STAG1: variants seen among roughly 807,000 people sequenced by gnomAD.
STAG1 encodes the protein STAG1 cohesin complex component, also known as cohesin subunit SA-1.
A neutral mutation model predicts 170.9 loss-of-function variants in STAG1; 26 were observed. The observed-to-expected ratio is 0.15, with a 90% CI of 0.11 to 0.21. STAG1 has a LOEUF of 0.21. Ranked by LOEUF, STAG1 falls within the 10% of genes least tolerant of loss-of-function variation. STAG1 has a pLI of 1.00. For synonymous variants in STAG1, 514 were observed against 497.7 expected (o/e 1.03, Z -0.44); for missense variants, 964 against 1,509.5 (o/e 0.64, Z 5.99).
intron 15 of STAG1, among the ~76,000 whole-genome samples, chr3:136,436,219 G>C (rs1055123067): frequency 1.3e-5 from 2 of 152,124 alleles, no homozygotes; most frequent in African/African-American, 4.8e-5. Flanking sequence ...GCCTCTCAAA[G>C]TGCTGAGATT....
chr3:136,382,055 C>T (rs1475854648), intron 22 of STAG1, among the ~76,000 whole-genome samples: 2 of 152,066 alleles, frequency 1.3e-5, no homozygotes, highest in African/African-American at 2.4e-5. Context: ...TGGATGTTTA[C>T]CACAATCCTG....
intron 4 of STAG1, among the ~76,000 whole-genome samples, chr3:136,577,835 T>C (rs1202091308): frequency 6.6e-6 from 1 of 152,210 alleles, no homozygotes; most frequent in African/African-American, 2.4e-5. Context: ...ACACGCCAAA[T>C]TCATTGGTAT....
chr3:136,699,469 C>A (rs1486368524), intron 1 of STAG1, among the ~76,000 whole-genome samples: 2 of 152,102 alleles, frequency 1.3e-5, no homozygotes, highest in Non-Finnish European at 2.9e-5. Flanking sequence ...CAGCTCACTG[C>A]AACCTCTGCC....
At chr3:136,724,754 T>C (rs1198409603) in intron 1 of STAG1, among the ~76,000 whole-genome samples, 1 of 151,900 alleles carries the variant, frequency 6.6e-6, no homozygotes, top group African/African-American at 2.4e-5. Context: ...ACAAATGCAA[T>C]GAAAAGACAA....
intron 6 of STAG1, among the ~76,000 whole-genome samples, chr3:136,533,519 G>C (rs1351695269): frequency 6.6e-6 from 1 of 152,100 alleles, no homozygotes; most frequent in African/African-American, 2.4e-5. Flanking sequence ...AGGTCCTCAA[G>C]GATGCTTATA....
intron 4 of STAG1, 106 bp downstream of exon 4, chr3:136,604,203 T>A: frequency 9.8e-7 from 1 of 1,024,172 alleles, no homozygotes; most frequent in Non-Finnish European, 1.4e-6. Context: ...AAAGGTTGCT[T>A]ACATAATCAA....
intron 4 of STAG1, chr3:136,591,422 C>A: frequency 5.4e-6 from 1 of 185,862 alleles, no homozygotes; most frequent in South Asian, 7.8e-5. Context: ...ATTCCCTGGG[C>A]TTGGCGTCAT....
At chr3:136,717,531 A>T (rs1943572825) in intron 1 of STAG1, among the ~76,000 whole-genome samples, 1 of 152,124 alleles carries the variant, frequency 6.6e-6, no homozygotes, top group African/African-American at 2.4e-5. Context: ...GAGTGTGGTG[A>T]CAGGCACCTG....
chr3:136,469,628 A>C (rs1318576969), intron 12 of STAG1, among the ~76,000 whole-genome samples: 12 of 152,230 alleles, frequency 7.9e-5, no homozygotes, highest in Admixed American at 7.2e-4. Flanking sequence ...GAATTGGAAA[A>C]AACTACATTA....
At chr3:136,697,313 CA>C (rs1942926560) in intron 1 of STAG1, among the ~76,000 whole-genome samples, 1 of 152,156 alleles carries the variant, frequency 6.6e-6, no homozygotes, top group Non-Finnish European at 1.5e-5. Flanking sequence ...GTACAGTTCT[CA>C]AAGTGTGAAA....
intron 4 of STAG1, among the ~76,000 whole-genome samples, chr3:136,571,934 ACACTTT>A (rs1395454831): frequency 6.6e-6 from 1 of 152,012 alleles, no homozygotes; most frequent in Admixed American, 6.6e-5. Flanking sequence ...TGTAATCCCA[ACACTTT>A]GGGAGGCCGA....
intron 4 of STAG1, among the ~76,000 whole-genome samples, chr3:136,594,624 T>C (rs1005871835): frequency 1.3e-5 from 2 of 152,236 alleles, no homozygotes; most frequent in African/African-American, 2.4e-5. Flanking sequence ...TTTAATTGTA[T>C]ATTAATAGAT....
intron 4 of STAG1, among the ~76,000 whole-genome samples, chr3:136,577,502 T>G (rs1289601441): frequency 1.3e-5 from 2 of 152,194 alleles, no homozygotes; most frequent in Admixed American, 6.5e-5. Flanking sequence ...ATCCTCCAAG[T>G]AATTCTGAGC....
chr3:136,534,942 C>T (rs1348916969), intron 6 of STAG1, among the ~76,000 whole-genome samples: 3 of 152,216 alleles, frequency 2.0e-5, no homozygotes, highest in Non-Finnish European at 4.4e-5. Flanking sequence ...GGGATACCCA[C>T]ACTTGCATGT....
intron 22 of STAG1, among the ~76,000 whole-genome samples, chr3:136,380,178 C>CTT (rs927718121): frequency 8.5e-5 from 13 of 152,160 alleles, no homozygotes; most frequent in Non-Finnish European, 4.4e-5. Context: ...GTGGGGCTGT[C>CTT]TGACTCTAAA....
At chr3:136,585,167 A>T (rs1213174889) in intron 4 of STAG1, among the ~76,000 whole-genome samples, 2 of 152,168 alleles carry the variant, frequency 1.3e-5, no homozygotes, top group Non-Finnish European at 2.9e-5. Flanking sequence ...CCAGGCTGGG[A>T]GCACTGGCTC....
intron 3 of STAG1, among the ~76,000 whole-genome samples, chr3:136,615,084 C>T (rs1307738403): frequency 6.6e-6 from 1 of 151,332 alleles, no homozygotes; most frequent in Non-Finnish European, 1.5e-5. Context: ...AAAAGTTTCA[C>T]AAAAAAATTA....
intron 1 of STAG1, among the ~76,000 whole-genome samples, chr3:136,685,552 C>T (rs1942490993): frequency 6.6e-6 from 1 of 152,184 alleles, no homozygotes; most frequent in South Asian, 2.1e-4. Context: ...ACTGACAAAA[C>T]TTGGAAGCAA....
At chr3:136,750,307 C>T (rs1320377027) in intron 1 of STAG1, among the ~76,000 whole-genome samples, 1 of 152,068 alleles carries the variant, frequency 6.6e-6, no homozygotes, top group East Asian at 1.9e-4. Context: ...CACCACTGGG[C>T]CCAGCTCCCC....
Sources: allele counts gnomAD v4.1 joint callset (sites outside exome capture counted in the v4.1 genomes callset), GRCh38; gene constraint gnomAD v4.1.1; transcripts MANE v1.5; gene names NCBI Gene and HGNC (gene_info 2026-07-23, HGNC 2026-07-21).